The following NTRK1 variants were observed in gnomAD, a reference collection of about 807,000 sequenced individuals.
The protein encoded by NTRK1 is neurotrophic receptor tyrosine kinase 1, also known as high affinity nerve growth factor receptor.
Under a neutral mutation model 86.8 loss-of-function variants are expected in NTRK1, and 62 were observed. The ratio of observed to expected loss-of-function variants is 0.71; its 90% CI spans 0.58 to 0.88. The LOEUF (loss-of-function observed/expected upper bound fraction) is 0.88, where lower values mean the gene tolerates loss of function less well. NTRK1 is among the 40% of genes least tolerant of loss of function. NTRK1 has a pLI of 0.00. For synonymous variants in NTRK1, 469 were observed against 456.6 expected, an observed-to-expected ratio of 1.03 and a Z score of -0.35; for missense variants, 967 against 1,078.4, an observed-to-expected ratio of 0.90 and a Z score of 1.45.
At chr1:156,871,486 A>T (rs1157821708) in intron 6 of NTRK1, 137 bp from the exon 7 acceptor site, 3 of 832,206 alleles carry the variant, frequency 3.6e-6, no homozygotes, top group Non-Finnish European at 3.9e-6. Context: ...ATTCTCTCCC[A>T]CCCCTCTCTC....
rs1655960628 is a variant in NTRK1, at chr1:156,866,912, A to G, written c.362A>G (p.Asn121Ser). The G allele has an allele frequency of 1.2e-6, 2 of 1,613,780 alleles. No homozygotes were observed. The highest frequency in any genetic ancestry group is 1.7e-5 in the Admixed American group (1 of 60,010). The change falls in exon 4 of 17, where the codon AAT (asparagine) becomes AGT (serine). Residue 121 changes from asparagine to serine, a missense_variant and splice_region_variant. This residue lies in a region of NTRK1 where 330 missense variants were observed against 302.0 expected (regional missense o/e 1.09). Coordinates refer to ENST00000524377, the MANE Select transcript of NTRK1 (RefSeq NM_002529.4). The part of the protein sequence containing the change: ...FHFTPRLSRL[N>S]LSFNALESLS... ...TTGCTGTGTCTCCACGCCCGCAGGA[A>G]TCTCTCCTTCAACGCTCTGGAGTCT...
chr1:156,859,906 G>C (rs1655551319), upstream of NTRK1, among the ~76,000 whole-genome samples: 1 of 152,224 alleles, frequency 6.6e-6, no homozygotes, highest in African/African-American at 2.4e-5. The surrounding 1 kb of genome is among the most constrained non-coding windows in gnomAD (Gnocchi z 6.2). Context: ...TTGCGCGGTG[G>C]GAGGGGTTGG....
At position 156,854,009 on chromosome 1, in the gene NTRK1, G is replaced by T. The variant is rs55757706; in HGVS notation, c.51-10345G>T. On this transcript the variant is annotated intron_variant, in intron 2 of 16. Transcript: ENST00000392302. The surrounding 1 kb of genome is among the most constrained non-coding windows in gnomAD (Gnocchi z 4.2). ...CAGCACGGCCCCAAGTGCAGGCAGTGCCACGTCACGCAGATGTGGCATCTC... is the reference window on the plus strand; with the variant it reads ...CAGCACGGCCCCAAGTGCAGGCAGTTCCACGTCACGCAGATGTGGCATCTC... 2,957 of 1,613,886 alleles carry T rather than the reference G, an allele frequency of 1.8e-3. 3 individuals are homozygous for T. The highest frequency in any genetic ancestry group is 2.3e-3 in the Non-Finnish European group (2,764 of 1,179,906).
At chr1:156,871,214 C>A (rs759900397) in intron 6 of NTRK1, among the ~76,000 whole-genome samples, 1 of 152,048 alleles carries the variant, frequency 6.6e-6, no homozygotes, top group Non-Finnish European at 1.5e-5. Context: ...ATATTTTGTG[C>A]CTATTTTGAG....
chr1:156,816,752 T>G, intron 1 of NTRK1: 3 of 1,549,898 alleles, frequency 1.9e-6, no homozygotes, highest in Non-Finnish European at 2.6e-6. Flanking sequence ...TGTGTGTATG[T>G]GTTCCGGAAA....
intron 1 of NTRK1, among the ~76,000 whole-genome samples, chr1:156,821,987 A>T (rs1396415872): frequency 6.6e-6 from 1 of 152,212 alleles, no homozygotes; most frequent in African/African-American, 2.4e-5. Context: ...CAGCCTCAAC[A>T]TGTGGGTGTG....
intron 14 of NTRK1, among the ~76,000 whole-genome samples, chr1:156,877,567 G>A (rs1197064586): frequency 6.6e-6 from 1 of 152,214 alleles, no homozygotes; most frequent in Non-Finnish European, 1.5e-5. Context: ...ATCACCCCCG[G>A]GAGGATGGGG....
upstream of NTRK1, among the ~76,000 whole-genome samples, chr1:156,855,918 C>CGTGT (rs57540966): frequency 0.015 from 2,195 of 149,448 alleles, 55 homozygotes; most frequent in African/African-American, 0.051. Context: ...GACTAATGTG[C>CGTGT]GTGTGTGTGT....
intron 6 of NTRK1, among the ~76,000 whole-genome samples, chr1:156,869,018 C>CCCTCCCTT (rs1553261499): frequency 2.3e-4 from 10 of 43,510 alleles, no homozygotes; most frequent in Non-Finnish European, 4.7e-4. Context: ...TTTTCTCTCT[C>CCCTCCCTT]CCTTCCTTCC....
exon 1 of NTRK1, chr1:156,815,788 A>G: frequency 6.2e-7 from 1 of 1,613,554 alleles, no homozygotes; most frequent in Non-Finnish European, 8.5e-7. Flanking sequence ...GAGCTTCCAG[A>G]GGGCCTAGGA....
At position 156,854,484 on chromosome 1, in the gene NTRK1, G is replaced by A. The variant is rs369340125; in HGVS notation, c.51-9870G>A. Among the ~76,000 whole-genome samples the A allele has an allele frequency of 2.0e-4, 31 of 152,160 alleles. No homozygotes were observed. In the East Asian group the frequency reaches 5.0e-3, roughly 25 times the overall value. ...GGAGGGCTCACCTGCAGCCTGCAGG[G>A]TCTCTACCAGATGAGCCACACAGGC... On this transcript the variant is annotated intron_variant, in intron 2 of 16. Coordinates refer to the NTRK1 transcript ENST00000392302. This position sits in a 1 kb window ranked among gnomAD's most constrained non-coding sequence, Gnocchi z 4.2.
chr1:156,833,565 A>AAG (rs1309805009), intron 1 of NTRK1, among the ~76,000 whole-genome samples: 2 of 151,978 alleles, frequency 1.3e-5, no homozygotes, highest in African/African-American at 4.8e-5. Flanking sequence ...CTCAAAAAAT[A>AAG]AACAAAAAAA....
intron 1 of NTRK1, among the ~76,000 whole-genome samples, chr1:156,830,834 C>G (rs750823951): frequency 2.6e-5 from 4 of 152,186 alleles, no homozygotes; most frequent in Non-Finnish European, 4.4e-5. Flanking sequence ...GGATTATAGA[C>G]GTGGGCCACC....
intron 1 of NTRK1, among the ~76,000 whole-genome samples, chr1:156,862,004 G>GA (rs1384818420): frequency 6.6e-6 from 1 of 152,174 alleles, no homozygotes; most frequent in Admixed American, 6.5e-5. Context: ...GTGATGGCTG[G>GA]AAAATACTTG....
chr1:156,857,165 G>A (rs1274266374), upstream of NTRK1, among the ~76,000 whole-genome samples: 3 of 30,318 alleles, frequency 9.9e-5, no homozygotes, highest in Non-Finnish European at 1.4e-4. Context: ...AGCTGTGTAT[G>A]TGTGTGTGTG....
At chr1:156,860,740 A>AG (rs1207298666), upstream of NTRK1, 2,994 of 996,026 alleles carry the variant, frequency 3.0e-3, 9 homozygotes, top group Admixed American at 4.7e-3. Context: ...GAGGGGGCAG[A>AG]GGGGGGGGCG....
At chr1:156,817,047 T>TCTCTCTCTCTCTCTC (rs1654008835) in intron 1 of NTRK1, among the ~76,000 whole-genome samples, 7 of 113,862 alleles carry the variant, frequency 6.1e-5, no homozygotes, top group Admixed American at 9.6e-5. Flanking sequence ...GAACTTCCCT[T>TCTCTCTCTCTCTCTC]TCTCTCTCTC....
intron 2 of NTRK1, chr1:156,845,903 C>A: frequency 6.2e-7 from 1 of 1,600,174 alleles, no homozygotes; most frequent in Non-Finnish European, 8.5e-7. Context: ...GCCTCCATCT[C>A]CCCTTCCCCA....
At chr1:156,818,365 G>A (rs920114211) in intron 1 of NTRK1, among the ~76,000 whole-genome samples, 2 of 151,874 alleles carry the variant, frequency 1.3e-5, no homozygotes, top group African/African-American at 2.4e-5. Context: ...TTTGGGGTAC[G>A]GTTGGGTTTT....
Sources: gnomAD v4.1 joint callset for allele counts (sites outside exome capture counted in the v4.1 genomes callset) on GRCh38, gnomAD v4.1.1 for gene constraint, gnomAD v4.1.1 regional missense constraint, Gnocchi (gnomAD v3.1) non-coding constraint, MANE v1.5 for transcripts, NCBI Gene and HGNC (gene_info 2026-07-23, HGNC 2026-07-21) for gene names.